Variants in CNTN4 observed in about 807,000 individuals in gnomAD.
CNTN4 encodes contactin 4.
CNTN4 carries 77 observed loss-of-function variants against 122.5 expected under a neutral mutation model. The ratio of observed to expected loss-of-function variants is 0.63; its 90% CI spans 0.52 to 0.76. The LOEUF (loss-of-function observed/expected upper bound fraction) is 0.76. CNTN4 is among the 30% of genes least tolerant of loss of function. CNTN4 has a pLI of 0.00. For synonymous variants in CNTN4, 512 were observed against 447.0 expected (o/e 1.15, Z -1.83); for missense variants, 1,256 against 1,259.1 (o/e 1.00, Z 0.04).
At chr3:2,239,291 C>A (rs1340383306) in intron 2 of CNTN4, among the ~76,000 whole-genome samples, 1 of 152,142 alleles carries the variant, frequency 6.6e-6, no homozygotes, top group East Asian at 1.9e-4. Flanking sequence ...GATCCTTGGA[C>A]TTAAAAAGGA....
chr3:2,824,278 A>G (rs770670518), intron 7 of CNTN4, among the ~76,000 whole-genome samples: 2 of 151,940 alleles, frequency 1.3e-5, no homozygotes, highest in East Asian at 3.9e-4. Flanking sequence ...CCTGGCCAAC[A>G]TAGAGAAACC....
chr3:2,392,733 C>T (rs1364794595), intron 3 of CNTN4, among the ~76,000 whole-genome samples: 1 of 152,162 alleles, frequency 6.6e-6, no homozygotes, highest in African/African-American at 2.4e-5. Flanking sequence ...CACAAAAGCT[C>T]ATTCCTCTTA....
intron 2 of CNTN4, among the ~76,000 whole-genome samples, chr3:2,290,493 G>T (rs2042092118): frequency 6.6e-6 from 1 of 152,124 alleles, no homozygotes; most frequent in African/African-American, 2.4e-5. Flanking sequence ...TAACGATGAT[G>T]GTGAAGCAAG....
rs141690227 is a variant in CNTN4 at position 2,674,533 on chromosome 3, G to T, written c.56-61682G>T. ...GCACTTTGGGAGGCTGAGGCAGGTG[G>T]ATCACTTGAGGTCAGGAGTTCGAGA... is the stretch of plus-strand genomic sequence containing the variant. On this transcript the variant is annotated intron_variant, in intron 4 of 24. Transcript: ENST00000418658. Among the ~76,000 whole-genome samples the T allele has an allele frequency of 3.3e-3, 508 of 152,314 alleles. 1 individual carries two copies. Among genetic ancestry groups the T allele is most frequent in the Non-Finnish European group, 5.3e-3 (362 of 68,022 alleles).
chr3:2,437,546 T>C (rs1294808537), intron 3 of CNTN4, among the ~76,000 whole-genome samples: 1 of 152,100 alleles, frequency 6.6e-6, no homozygotes, highest in East Asian at 1.9e-4. Context: ...TAAAAGCAAT[T>C]GAAAAAAGAA....
At chr3:2,637,531 G>A (rs142960309) in intron 4 of CNTN4, among the ~76,000 whole-genome samples, 2 of 152,066 alleles carry the variant, frequency 1.3e-5, no homozygotes, top group African/African-American at 4.8e-5. Context: ...CTGTTCTTCA[G>A]GTTGTGCAAT....
At chr3:2,751,476 A>G (rs1052658277) in intron 6 of CNTN4, among the ~76,000 whole-genome samples, 2 of 152,040 alleles carry the variant, frequency 1.3e-5, no homozygotes, top group African/African-American at 4.8e-5. Context: ...TACCTCCCCA[A>G]CCTTCATTCA....
chr3:3,026,402 C>A, intron 15 of CNTN4, 125 bp downstream of exon 15: 1 of 826,440 alleles, frequency 1.2e-6, no homozygotes, highest in South Asian at 1.5e-5. Flanking sequence ...TGGTTAATTC[C>A]TGCTCCTTTT....
intron 4 of CNTN4, among the ~76,000 whole-genome samples, chr3:2,690,384 G>A (rs77623619): frequency 1.1e-3 from 171 of 152,250 alleles, no homozygotes; most frequent in African/African-American, 3.9e-3. Flanking sequence ...GAATGAGCAT[G>A]ATCTTTGAAA....
intron 13 of CNTN4, among the ~76,000 whole-genome samples, chr3:2,946,610 A>C (rs138265519): frequency 0.014 from 2,088 of 152,208 alleles, 20 homozygotes; most frequent in Non-Finnish European, 0.022. Flanking sequence ...ATTAAGTTCC[A>C]ACATTTATAA....
intron 3 of CNTN4, among the ~76,000 whole-genome samples, chr3:2,373,912 T>A (rs1023400455): frequency 2.6e-5 from 4 of 152,186 alleles, no homozygotes; most frequent in Non-Finnish European, 5.9e-5. Flanking sequence ...TCACTTACAG[T>A]TTAAACTTTT....
chr3:2,958,977 A>G (rs1217197371), intron 13 of CNTN4, among the ~76,000 whole-genome samples: 1 of 152,212 alleles, frequency 6.6e-6, no homozygotes, highest in African/African-American at 2.4e-5. Context: ...CCTCCAGGGA[A>G]CAGAAGGGTC....
intron 2 of CNTN4, among the ~76,000 whole-genome samples, chr3:2,172,696 T>C (rs2036569735): frequency 6.6e-6 from 1 of 152,230 alleles, no homozygotes; most frequent in Admixed American, 6.5e-5. Context: ...GAGTGGTTGA[T>C]GTCCATCAGG....
At chr3:2,481,033 TTTTC>T (rs61026362) in intron 3 of CNTN4, among the ~76,000 whole-genome samples, 1,913 of 120,068 alleles carry the variant, frequency 0.016, 37 homozygotes, top group South Asian at 0.075. Context: ...TTTCTTTTTC[TTTTC>T]TTTCTTTCTT....
intron 3 of CNTN4, among the ~76,000 whole-genome samples, chr3:2,431,044 CT>C (rs1465582549): frequency 6.6e-6 from 1 of 152,110 alleles, no homozygotes; most frequent in African/African-American, 2.4e-5. Flanking sequence ...TTCACCTAGC[CT>C]TTTTGTGGTC....
intron 4 of CNTN4, among the ~76,000 whole-genome samples, chr3:2,695,528 C>T (rs2085979461): frequency 6.6e-6 from 1 of 152,192 alleles, no homozygotes; most frequent in Non-Finnish European, 1.5e-5. Flanking sequence ...TCAGTTCCAA[C>T]ATCTGATGTC....
At chr3:2,648,992 C>T (rs575715826) in intron 4 of CNTN4, among the ~76,000 whole-genome samples, 12 of 152,136 alleles carry the variant, frequency 7.9e-5, no homozygotes, top group African/African-American at 2.4e-4. Flanking sequence ...TTCTCTTAAG[C>T]GAAAGCCTAA....
intron 3 of CNTN4, among the ~76,000 whole-genome samples, chr3:2,541,813 C>T (rs1041989546): frequency 4.6e-5 from 7 of 152,064 alleles, no homozygotes; most frequent in Non-Finnish European, 1.0e-4. Flanking sequence ...CCTTCTTCAA[C>T]TCTTAATTAG....
intron 2 of CNTN4, among the ~76,000 whole-genome samples, chr3:2,150,688 A>G (rs1000532462): frequency 6.6e-6 from 1 of 152,100 alleles, no homozygotes; most frequent in Admixed American, 6.5e-5. Flanking sequence ...CCAGAAGATT[A>G]TTTTTCTTGG....
Sources: gnomAD v4.1 joint callset for allele counts (sites outside exome capture counted in the v4.1 genomes callset) on GRCh38, gnomAD v4.1.1 for gene constraint, MANE v1.5 for transcripts, NCBI Gene and HGNC (gene_info 2026-07-23, HGNC 2026-07-21) for gene names.